MEAK7: variants seen among roughly 807,000 people sequenced by gnomAD.
MEAK7 encodes the protein MTOR-associated protein MEAK7.
A neutral mutation model predicts 40.5 loss-of-function variants in MEAK7; 68 were observed. That is an observed-to-expected ratio of 1.68 (90% CI 1.38 to 2.06). The LOEUF (loss-of-function observed/expected upper bound fraction) is 2.06, where lower values mean the gene tolerates loss of function less well. MEAK7 is among the 30% of genes most tolerant of loss of function. MEAK7 has a pLI of 0.00. For missense variants in MEAK7, 918 were observed against 580.5 expected (o/e 1.58, Z -5.98); for synonymous variants, 338 against 231.9 (o/e 1.46, Z -4.16).
chr16:84,490,661 T>TGTGTGC (rs1026295277), intron 3 of MEAK7, among the ~76,000 whole-genome samples: 4 of 131,484 alleles, frequency 3.0e-5, no homozygotes, highest in African/African-American at 1.3e-4. Flanking sequence ...AAGATGTGTG[T>TGTGTGC]GTGTGTGTGT....
At chr16:84,487,709 C>T (rs915337998) in intron 4 of MEAK7, 2 of 152,428 alleles carry the variant, frequency 1.3e-5, no homozygotes, top group African/African-American at 4.8e-5. Flanking sequence ...TTTTCCATCC[C>T]TCACCCACTA....
chr16:84,478,287 CTGCA>C lies in MEAK7; in HGVS notation c.*1622_*1625del, dbSNP rs1300937958. ...AAATCAGTCATGACTAAGTCCTTGT[CTGCA>C]TCACGCTCCTGCCCCTCCACACACT... On this transcript the variant is annotated 3_prime_UTR_variant, in exon 8 of 8. Transcript: ENST00000343629. 5 of 152,300 alleles carry C rather than the reference CTGCA, an allele frequency of 3.3e-5. No individual in the cohort carries two copies. Among genetic ancestry groups the C allele is most frequent in the African/African-American group, 1.2e-4 (5 of 41,538 alleles). The allele number at this position is 152,300 out of a possible 1,614,324, so 9.4% of individuals were successfully genotyped here.
In MEAK7 at chr16:84,476,628, C is replaced by T. The variant is rs1567478820; in HGVS notation, c.*3285G>A. The T allele has an allele frequency of 6.6e-6, 1 of 152,136 alleles. No homozygotes were observed. The highest frequency in any genetic ancestry group is 1.5e-5 in the Non-Finnish European group (1 of 68,028). 9.4% of individuals were successfully genotyped at this position (152,136 alleles called of 1,614,324 possible). The stretch of plus-strand genomic sequence containing the variant: ...GACGGTGGAACGCTAGGCCCGAGAG[C>T]ATCCATATGGTGGGACATCACGCAG... On this transcript the variant is annotated 3_prime_UTR_variant, in exon 8 of 8. Transcript: ENST00000343629.
chr16:84,500,990 G>A (rs1032328244), intron 1 of MEAK7, among the ~76,000 whole-genome samples: 11 of 151,510 alleles, frequency 7.3e-5, no homozygotes, highest in African/African-American at 2.7e-4. Flanking sequence ...AGCTACTTGG[G>A]AGGCTGAGGC....
chr16:84,499,458 C>T (rs1156890112), intron 1 of MEAK7, among the ~76,000 whole-genome samples: 1 of 152,166 alleles, frequency 6.6e-6, no homozygotes, highest in Non-Finnish European at 1.5e-5. Context: ...TCATGGTCCG[C>T]ACCAAGCCAT....
intron 3 of MEAK7, among the ~76,000 whole-genome samples, chr16:84,492,827 C>A (rs554437089): frequency 6.6e-6 from 1 of 152,138 alleles, no homozygotes; most frequent in African/African-American, 2.4e-5. Flanking sequence ...GATAATCCAC[C>A]CACCTTGGCC....
At chr16:84,485,057 G>A (rs546177916) in intron 5 of MEAK7, among the ~76,000 whole-genome samples, 1 of 152,320 alleles carries the variant, frequency 6.6e-6, no homozygotes, top group African/African-American at 2.4e-5. Flanking sequence ...CTTCAGCCAT[G>A]CAGTGAGGCA....
In MEAK7 at chr16:84,479,856, G is replaced by A. The variant is rs1168440277; in HGVS notation, c.*57C>T. The A allele has an allele frequency of 9.4e-5, 126 of 1,344,720 alleles. 1 individual carries two copies. The highest frequency in any genetic ancestry group is 5.2e-4 in the Middle Eastern group (2 of 3,832). 83.3% of individuals were successfully genotyped at this position (1,344,720 alleles called of 1,614,324 possible). A position where few individuals can be genotyped will look rare whatever the true frequency, so the allele number is the denominator to read the frequency against. On this transcript the variant is annotated 3_prime_UTR_variant, in exon 8 of 8. Transcript: ENST00000343629. Reference sequence around the variant, plus strand: ...GTGGGAGGGAAGAGGGGCTGCAGGCGTTGCCCTCTACCCAGAGGAATCCAG... The same window carrying A: ...GTGGGAGGGAAGAGGGGCTGCAGGCATTGCCCTCTACCCAGAGGAATCCAG...
chr16:84,493,453 A>G (rs1913794899), intron 3 of MEAK7, among the ~76,000 whole-genome samples: 1 of 152,250 alleles, frequency 6.6e-6, no homozygotes, highest in Admixed American at 6.5e-5. Context: ...TCAAGCAAGC[A>G]AGAAGTTAAT....
At chr16:84,480,865 T>C (rs1262674229) in intron 6 of MEAK7, among the ~76,000 whole-genome samples, 157 bp from the exon 7 acceptor site, 1 of 152,178 alleles carries the variant, frequency 6.6e-6, no homozygotes, top group South Asian at 2.1e-4. Context: ...CTGTGAAATA[T>C]ATCAATTACT....
chr16:84,491,833 T>A (rs575910645), intron 3 of MEAK7, among the ~76,000 whole-genome samples: 1 of 118,682 alleles, frequency 8.4e-6, no homozygotes, highest in East Asian at 2.7e-4. Context: ...CAAGACTCCG[T>A]CTCAAAAAAA....
chr16:84,494,893 A>C (rs1913914430), intron 3 of MEAK7: 1 of 436,806 alleles, frequency 2.3e-6, no homozygotes, highest in East Asian at 7.0e-5. Flanking sequence ...GCCAAAAGGA[A>C]AAATTAAGCT....
chr16:84,480,458 T>C (rs1597917257), intron 7 of MEAK7, 71 bp downstream of exon 7: 2 of 1,488,714 alleles, frequency 1.3e-6, no homozygotes, highest in East Asian at 2.4e-5. Context: ...AAAGGGGTAA[T>C]GGTAAGAAAA....
At chr16:84,497,524 G>C (rs1367045563) in intron 2 of MEAK7, 8 of 1,290,620 alleles carry the variant, frequency 6.2e-6, no homozygotes, top group Non-Finnish European at 8.1e-6. Context: ...TGGGAGGGCA[G>C]TCAGGAGGGA....
intron 5 of MEAK7, among the ~76,000 whole-genome samples, chr16:84,483,321 T>C (rs573053054): frequency 6.6e-5 from 10 of 152,200 alleles, no homozygotes; most frequent in African/African-American, 2.2e-4. Context: ...CAGAGACTCC[T>C]CCACTCCATA....
At chr16:84,504,144 T>C (rs1358045650) in intron 1 of MEAK7, 2 of 985,566 alleles carry the variant, frequency 2.0e-6, no homozygotes, top group African/African-American at 3.5e-5. Context: ...ATCAGCTCAC[T>C]GTCCTGGAAA....
chr16:84,486,348 C>G, intron 5 of MEAK7: 1 of 842,156 alleles, frequency 1.2e-6, no homozygotes, highest in Non-Finnish European at 1.6e-6. Context: ...CCCTCGGAGG[C>G]ATCTGTGGCT....
chr16:84,485,472 G>C (rs897727502), intron 5 of MEAK7, among the ~76,000 whole-genome samples: 1 of 152,278 alleles, frequency 6.6e-6, no homozygotes, highest in East Asian at 1.9e-4. Context: ...CCGGCCTTCA[G>C]AACCTCTGCC....
At chr16:84,483,668 G>A (rs901605599) in intron 5 of MEAK7, among the ~76,000 whole-genome samples, 3 of 152,216 alleles carry the variant, frequency 2.0e-5, no homozygotes, top group African/African-American at 4.8e-5. Context: ...AGTGTGGGCT[G>A]ACACCGCCCA....
Sources: allele counts gnomAD v4.1 joint callset (sites outside exome capture counted in the v4.1 genomes callset), GRCh38; gene constraint gnomAD v4.1.1; transcripts MANE v1.5; gene names NCBI Gene and HGNC (gene_info 2026-07-23, HGNC 2026-07-21).